Variants in CLASP2 observed in about 807,000 individuals in gnomAD.
The protein encoded by CLASP2 is CLIP-associating protein 2.
A neutral mutation model predicts 194.4 loss-of-function variants in CLASP2; 47 were observed. That is an observed-to-expected ratio of 0.24 (90% CI 0.19 to 0.31). The LOEUF (loss-of-function observed/expected upper bound fraction) is 0.31. Ranked by LOEUF, CLASP2 falls within the 10% of genes least tolerant of loss-of-function variation. The probability of loss-of-function intolerance (pLI) is 1.00; values close to 1 mark genes in which losing one functional copy is unlikely to be tolerated. For synonymous variants in CLASP2, 619 were observed against 633.5 expected, an observed-to-expected ratio of 0.98 and a Z score of 0.34; for missense variants, 1,445 against 1,823.6, an observed-to-expected ratio of 0.79 and a Z score of 3.78.
chr3:33,703,601 C>T (rs2092510777), intron 1 of CLASP2, among the ~76,000 whole-genome samples: 1 of 152,206 alleles, frequency 6.6e-6, no homozygotes, highest in South Asian at 2.1e-4. Context: ...TGGTATTTAG[C>T]CAAAGGAGTT....
At chr3:33,611,947 C>A in intron 13 of CLASP2, 54 bp downstream of exon 13, 1 of 1,150,394 alleles carries the variant, frequency 8.7e-7, no homozygotes, top group Non-Finnish European at 1.3e-6. Context: ...AATAATTAAA[C>A]AATGCAGTAT....
intron 7 of CLASP2, among the ~76,000 whole-genome samples, chr3:33,655,947 A>G (rs1456943398): frequency 2.0e-5 from 3 of 152,222 alleles, no homozygotes; most frequent in African/African-American, 7.2e-5. Flanking sequence ...ACTCTGCAGC[A>G]TAACAACAAA....
At chr3:33,673,424 A>C (rs1040183390) in intron 6 of CLASP2, among the ~76,000 whole-genome samples, 10 of 152,162 alleles carry the variant, frequency 6.6e-5, no homozygotes, top group Admixed American at 3.3e-4. Flanking sequence ...GCCTGCCCTA[A>C]AAGAGCTCCT....
chr3:33,530,510 G>A (rs923651904), intron 34 of CLASP2, among the ~76,000 whole-genome samples: 1 of 152,060 alleles, frequency 6.6e-6, no homozygotes, highest in Admixed American at 6.6e-5. Context: ...CAGTAACGCA[G>A]TTGTTTATTA....
chr3:33,508,372 C>T (rs936568441), intron 37 of CLASP2, among the ~76,000 whole-genome samples: 4 of 151,722 alleles, frequency 2.6e-5, no homozygotes, highest in Non-Finnish European at 5.9e-5. Context: ...ACTCTGTCTC[C>T]CAGGCTGGAG....
chr3:33,543,538 C>G lies in CLASP2; in HGVS notation c.3299G>C (p.Ser1100Thr). Residue 1100 changes from serine to threonine, a missense_variant and splice_region_variant, in exon 32 of 39, where the codon AGT becomes ACT. Coordinates refer to ENST00000682230, the MANE Select transcript of CLASP2 (RefSeq NM_001365631.1). ...HLRNTGNGTQ[S>T]SMGSPLTRPT... ...TCTTGTCAAAGGACTCCCCATGGAA[C>G]TCTGATGAAGGGAGTCAAAGAAATA... The G allele has an allele frequency of 6.3e-7, 1 of 1,592,220 alleles. No homozygotes were observed. Among genetic ancestry groups the G allele is most frequent in the Non-Finnish European group, 8.6e-7 (1 of 1,160,232 alleles).
At chr3:33,507,142 G>A (rs1254182501) in intron 37 of CLASP2, among the ~76,000 whole-genome samples, 2 of 152,030 alleles carry the variant, frequency 1.3e-5, no homozygotes, top group East Asian at 3.9e-4. Flanking sequence ...GTTTCACTAT[G>A]GCCAGGCTGG....
chr3:33,516,775 G>A (rs777345147), intron 35 of CLASP2, among the ~76,000 whole-genome samples: 31 of 152,080 alleles, frequency 2.0e-4, no homozygotes, highest in Non-Finnish European at 3.5e-4. Context: ...TTCAGCCTGC[G>A]ACCTTTCATT....
intron 6 of CLASP2, among the ~76,000 whole-genome samples, chr3:33,676,838 A>C (rs1384361236): frequency 6.6e-6 from 1 of 152,232 alleles, no homozygotes; most frequent in Non-Finnish European, 1.5e-5. Context: ...ATCTACAATG[A>C]ACTTGAACAA....
intron 29 of CLASP2, among the ~76,000 whole-genome samples, chr3:33,558,092 T>G (rs373935831): frequency 6.6e-6 from 1 of 152,236 alleles, no homozygotes; most frequent in African/African-American, 2.4e-5. Context: ...TACTTTCTCT[T>G]AGGTAAGATG....
chr3:33,577,265 C>T, intron 23 of CLASP2: 1 of 1,597,748 alleles, frequency 6.3e-7, no homozygotes, highest in Non-Finnish European at 8.5e-7. Context: ...TGTCTGGAGG[C>T]TGGAATAACA....
chr3:33,602,015 C>CTTT (rs1163557505), intron 18 of CLASP2, among the ~76,000 whole-genome samples: 2 of 140,116 alleles, frequency 1.4e-5, no homozygotes, highest in South Asian at 2.3e-4. Flanking sequence ...TCCGAAATAC[C>CTTT]TTTTTTTTTT....
intron 18 of CLASP2, 113 bp from the exon 19 acceptor site, chr3:33,596,847 C>A: frequency 3.8e-6 from 3 of 779,308 alleles, no homozygotes; most frequent in Non-Finnish European, 6.1e-6. Context: ...ATAGTACAGA[C>A]GTATATATCA....
At chr3:33,508,231 C>T (rs985166261) in intron 37 of CLASP2, among the ~76,000 whole-genome samples, 3 of 152,142 alleles carry the variant, frequency 2.0e-5, no homozygotes, top group African/African-American at 7.2e-5. Flanking sequence ...GTTGCCCAGG[C>T]TGGTCTCGAA....
At chr3:33,634,966 G>A (rs2079842134) in intron 8 of CLASP2, among the ~76,000 whole-genome samples, 1 of 152,088 alleles carries the variant, frequency 6.6e-6, no homozygotes, top group Non-Finnish European at 1.5e-5. Flanking sequence ...TTAAAGCACT[G>A]AAATAAATGG....
Position 33,510,628 on chromosome 3 carries a change from T to A in CLASP2, c.4247A>T (p.Lys1416Ile), listed in dbSNP as rs560162561. 6.2e-7 allele frequency: 1 copy of A among 1,613,906 alleles called. No individual in the cohort carries two copies. The highest frequency in any genetic ancestry group is 1.3e-5 in the African/African-American group (1 of 75,022). ...INLAAIKMQT[K>I]VIERVSKETL... ...TTCCTTGGACACTCTCTCTATCACT[T>A]TTGTTTGCATTTTGATTGCAGCCAG... is the stretch of plus-strand genomic sequence containing the variant. The change falls in exon 37 of 39, where the codon AAA becomes ATA. Residue 1416 changes from lysine to isoleucine, a missense_variant. Around this residue, in one of 4 missense-constraint regions of CLASP2, gnomAD observed 732 missense variants for 987.9 expected, o/e 0.74. Coordinates refer to ENST00000682230, the MANE Select transcript of CLASP2 (RefSeq NM_001365631.1).
intron 11 of CLASP2, among the ~76,000 whole-genome samples, chr3:33,620,792 C>T (rs1281158358): frequency 2.6e-5 from 4 of 152,120 alleles, no homozygotes; most frequent in Non-Finnish European, 5.9e-5. Flanking sequence ...TTTCTACTGA[C>T]TGCCTTTGGT....
intron 13 of CLASP2, among the ~76,000 whole-genome samples, chr3:33,609,847 C>G (rs1163329757): frequency 6.6e-6 from 1 of 152,138 alleles, no homozygotes; most frequent in Non-Finnish European, 1.5e-5. Flanking sequence ...AATTCGTACC[C>G]TTTCAAATCT....
At position 33,676,248 on chromosome 3, in the gene CLASP2, G is replaced by A. The variant is rs1181052969; in HGVS notation, c.644+8111C>T. ...ACCAAAACAGAGATATAGATCAATG[G>A]AACAGAACAGAGCCCTCAGAAATAA... is the stretch of plus-strand genomic sequence containing the variant. On this transcript the variant is annotated intron_variant, in intron 6 of 38. Coordinates refer to ENST00000682230, the MANE Select transcript of CLASP2 (RefSeq NM_001365631.1). 1.7e-3 allele frequency among the ~76,000 whole-genome samples: 251 copies of A among 147,214 alleles called. 6 individuals are homozygous for A. The South Asian group carries it at 0.028, about 16-fold the overall frequency.
Sources: allele counts gnomAD v4.1 joint callset (sites outside exome capture counted in the v4.1 genomes callset), GRCh38; gene constraint gnomAD v4.1.1; regional missense constraint gnomAD v4.1.1; transcripts MANE v1.5; gene names NCBI Gene and HGNC (gene_info 2026-07-23, HGNC 2026-07-21).